AKT3: variants seen among roughly 807,000 people sequenced by gnomAD.
AKT3 encodes AKT serine/threonine kinase 3, also known as RAC-gamma serine/threonine-protein kinase.
In AKT3, 15 loss-of-function variants were observed where a neutral mutation model predicts 65.3. That is an observed-to-expected ratio of 0.23 (90% CI 0.15 to 0.35). The LOEUF (loss-of-function observed/expected upper bound fraction) is 0.35, where lower values mean the gene tolerates loss of function less well. AKT3 is among the 10% of genes least tolerant of loss of function. The probability of loss-of-function intolerance (pLI) is 1.00; values close to 1 mark genes in which losing one functional copy is unlikely to be tolerated. For synonymous variants in AKT3, 206 were observed against 183.8 expected (o/e 1.12, Z -0.98); for missense variants, 243 against 576.5 (o/e 0.42, Z 5.92).
At chr1:243,799,473 A>G (rs943085318) in intron 2 of AKT3, among the ~76,000 whole-genome samples, 1 of 152,234 alleles carries the variant, frequency 6.6e-6, no homozygotes. Context: ...CTGACTCATT[A>G]AGCAAATTCA....
chr1:243,768,936 C>A (rs1690000904), intron 2 of AKT3, among the ~76,000 whole-genome samples: 1 of 152,014 alleles, frequency 6.6e-6, no homozygotes, highest in African/African-American at 2.4e-5. Context: ...AGTGCAACTA[C>A]CACTACTAAT....
At chr1:243,576,342 C>CT (rs1674939635) in intron 8 of AKT3, among the ~76,000 whole-genome samples, 1 of 152,176 alleles carries the variant, frequency 6.6e-6, no homozygotes, top group Admixed American at 6.5e-5. Flanking sequence ...AGGATGCCCT[C>CT]TCTCACCACT....
At chr1:243,685,562 C>T (rs140448347) in intron 3 of AKT3, among the ~76,000 whole-genome samples, 9 of 152,046 alleles carry the variant, frequency 5.9e-5, no homozygotes, top group Admixed American at 1.3e-4. Flanking sequence ...ACCAGTAGCA[C>T]GCTGTTTTTG....
Position 243,510,002 on chromosome 1 carries a change from A to G in AKT3, c.1354+2322T>C, listed in dbSNP as rs143531120. Among the ~76,000 whole-genome samples, 374 of 152,284 alleles carry G rather than the reference A, an allele frequency of 2.5e-3. 2 individuals are homozygous for G. Among genetic ancestry groups the G allele is most frequent in the African/African-American group, 8.8e-3 (367 of 41,546 alleles). On this transcript the variant is annotated intron_variant, in intron 13 of 13. Transcript: ENST00000673466. ...TTGGGATTTCACTTTTAGCTTTCTT[A>G]AGTAAAATATCTACTCCTGGCTTGA...
chr1:243,794,701 T>C (rs1337782198), intron 2 of AKT3, among the ~76,000 whole-genome samples: 1 of 152,250 alleles, frequency 6.6e-6, no homozygotes, highest in African/African-American at 2.4e-5. Context: ...ATTTTAATCA[T>C]TCTGATTTCT....
intron 2 of AKT3, among the ~76,000 whole-genome samples, chr1:243,771,991 G>C (rs1162238426): frequency 6.6e-6 from 1 of 152,190 alleles, no homozygotes; most frequent in African/African-American, 2.4e-5. Context: ...GCCATATGTA[G>C]AAAGCTGAAA....
chr1:243,792,934 T>G (rs1323750639), intron 2 of AKT3, among the ~76,000 whole-genome samples: 1 of 152,128 alleles, frequency 6.6e-6, no homozygotes, highest in East Asian at 1.9e-4. Flanking sequence ...AACCCAGTAA[T>G]GAAAAAAGAT....
At chr1:243,512,086 CTCTCTA>C (rs1238804950) in intron 13 of AKT3, among the ~76,000 whole-genome samples, 1 of 152,202 alleles carries the variant, frequency 6.6e-6, no homozygotes, top group Non-Finnish European at 1.5e-5. Context: ...TCTACAATTT[CTCTCTA>C]TATAATTTGT....
intron 2 of AKT3, among the ~76,000 whole-genome samples, chr1:243,719,731 G>A (rs1029242168): frequency 2.0e-5 from 3 of 152,094 alleles, no homozygotes; most frequent in Non-Finnish European, 4.4e-5. Flanking sequence ...CCATCAGAAG[G>A]GAAGAGAGAA....
chr1:243,655,450 T>C (rs888123730), intron 4 of AKT3, among the ~76,000 whole-genome samples: 2 of 149,378 alleles, frequency 1.3e-5, no homozygotes, highest in Admixed American at 1.3e-4. Context: ...CTATTGTCTG[T>C]TTTTTTTTCC....
chr1:243,840,096 G>A lies in AKT3; in HGVS notation c.46+3029C>T, dbSNP rs536047670. On this transcript the variant is annotated intron_variant, in intron 2 of 13. Transcript: ENST00000673466. The stretch of plus-strand genomic sequence containing the variant: ...TGAGGCAGGGGAATCACTTGAACAC[G>A]GGAGGCGGAGGTTGCAGTGAGCCGA... 4.1e-4 allele frequency among the ~76,000 whole-genome samples: 63 copies of A among 152,188 alleles called. 1 individual carries two copies. The highest frequency in any genetic ancestry group is 1.3e-3 in the African/African-American group (56 of 41,538).
At chr1:243,824,842 G>A (rs1194708287) in intron 2 of AKT3, among the ~76,000 whole-genome samples, 1 of 152,210 alleles carries the variant, frequency 6.6e-6, no homozygotes, top group African/African-American at 2.4e-5. Flanking sequence ...GGAAGATAGT[G>A]TGGCTATTCC....
At chr1:243,608,131 C>T (rs1281717036) in intron 8 of AKT3, among the ~76,000 whole-genome samples, 1 of 152,156 alleles carries the variant, frequency 6.6e-6, no homozygotes, top group African/African-American at 2.4e-5. Context: ...TTACACAAAC[C>T]TAGACAACAT....
rs12043115 is a variant in AKT3, at chr1:243,843,414, G to A, written c.-112-132C>T. 80 of 1,119,318 alleles carry A rather than the reference G, an allele frequency of 7.1e-5. 1 individual carries two copies. In the East Asian group the frequency reaches 2.2e-3, roughly 31 times the overall value. The allele number at this position is 1,119,318 out of a possible 1,614,324, so 69.3% of individuals were successfully genotyped here. On this transcript the variant is annotated intron_variant, in intron 1 of 13. Transcript: ENST00000673466. ...ATAAAAGTCTGGCTCTTCAAACTGGGGAACTTATTTATTAAATAGTTCTAT... is the reference window on the plus strand; with the variant it reads ...ATAAAAGTCTGGCTCTTCAAACTGGAGAACTTATTTATTAAATAGTTCTAT...
intron 2 of AKT3, among the ~76,000 whole-genome samples, chr1:243,825,188 T>C (rs991469161): frequency 1.3e-5 from 2 of 152,066 alleles, no homozygotes; most frequent in African/African-American, 4.8e-5. Flanking sequence ...CACTTCTAAG[T>C]GGGAGCTGAA....
At chr1:243,684,119 T>C (rs1227866057) in intron 3 of AKT3, among the ~76,000 whole-genome samples, 1 of 152,086 alleles carries the variant, frequency 6.6e-6, no homozygotes, top group Non-Finnish European at 1.5e-5. Flanking sequence ...TAGCAATCAA[T>C]ATATGTTAAT....
chr1:243,812,712 C>A (rs556217050), intron 2 of AKT3, among the ~76,000 whole-genome samples: 9 of 152,272 alleles, frequency 5.9e-5, no homozygotes, highest in Non-Finnish European at 1.3e-4. Flanking sequence ...TATAAAGACA[C>A]ATGCACACGT....
chr1:243,507,109 GGC>G (rs1413909553), intron 13 of AKT3, among the ~76,000 whole-genome samples: 1 of 152,236 alleles, frequency 6.6e-6, no homozygotes, highest in African/African-American at 2.4e-5. Flanking sequence ...ACCTGCAGCT[GGC>G]TCTGGACAGC....
chr1:243,642,482 T>C (rs1370290025), intron 5 of AKT3, among the ~76,000 whole-genome samples: 1 of 152,140 alleles, frequency 6.6e-6, no homozygotes, highest in Non-Finnish European at 1.5e-5. Context: ...GTTAATTTTT[T>C]GTATTTTTAG....
Sources: gnomAD v4.1 joint callset for allele counts (sites outside exome capture counted in the v4.1 genomes callset) on GRCh38, gnomAD v4.1.1 for gene constraint, MANE v1.5 for transcripts, NCBI Gene and HGNC (gene_info 2026-07-23, HGNC 2026-07-21) for gene names.